Variants in ADGRL2 observed in about 807,000 individuals in gnomAD.
ADGRL2 encodes the protein calcium-independent alpha-latrotoxin receptor 2.
A neutral mutation model predicts 157.4 loss-of-function variants in ADGRL2; 44 were observed. That is an observed-to-expected ratio of 0.28 (90% CI 0.22 to 0.36). The LOEUF is 0.36. Among genes scored for constraint, ADGRL2 ranks in the 10% least tolerant of loss-of-function variants. The probability of loss-of-function intolerance (pLI) is 1.00; values close to 1 mark genes in which losing one functional copy is unlikely to be tolerated. For synonymous variants in ADGRL2, 585 were observed against 624.7 expected (o/e 0.94, Z 0.95); for missense variants, 1,510 against 1,768.9 (o/e 0.85, Z 2.63).
intron 3 of ADGRL2, among the ~76,000 whole-genome samples, chr1:81,616,679 C>CTTTTTTTTTTTTTTTTTTTTTTTTTTTT (rs1164087131): frequency 7.5e-5 from 8 of 105,966 alleles, no homozygotes; most frequent in East Asian, 5.6e-4. Context: ...CTTTTCTTTT[C>CTTTTTTTTTTTTTTTTTTTTTTTTTTTT]TTTTTTTTTT....
rs375608942 is a variant in ADGRL2 at position 81,898,752 on chromosome 1, C to T, written c.74-8265C>T. 2.6e-5 allele frequency among the ~76,000 whole-genome samples: 4 copies of T among 152,284 alleles called. No individual in the cohort carries two copies. In the South Asian group the frequency reaches 6.2e-4, roughly 24 times the overall value. ...GGTTTACTTTTAACACTATTTTCAT[C>T]TAAGTTAAGATGAAATTGAAATAAG... On this transcript the variant is annotated intron_variant, in intron 2 of 23. Coordinates refer to ENST00000686636, the MANE Select transcript of ADGRL2 (RefSeq NM_001366006.2).
chr1:81,927,008 G>A (rs1192860319), intron 3 of ADGRL2, among the ~76,000 whole-genome samples: 1 of 151,980 alleles, frequency 6.6e-6, no homozygotes, highest in Non-Finnish European at 1.5e-5. Flanking sequence ...AGTAATTAAT[G>A]TGGTATTTTT....
chr1:81,846,978 T>C (rs1160240992), intron 2 of ADGRL2, among the ~76,000 whole-genome samples: 1 of 132,436 alleles, frequency 7.6e-6, no homozygotes, highest in Non-Finnish European at 1.7e-5. Context: ...TTAAGGAAAG[T>C]GTTTTGTTGT....
chr1:81,384,746 C>A (rs762605362), intron 1 of ADGRL2, among the ~76,000 whole-genome samples: 1 of 152,078 alleles, frequency 6.6e-6, no homozygotes, highest in Non-Finnish European at 1.5e-5. Flanking sequence ...TAAGTAACAA[C>A]GTATCCACAA....
intron 2 of ADGRL2, among the ~76,000 whole-genome samples, chr1:81,547,169 A>G (rs753289632): frequency 6.6e-6 from 1 of 152,186 alleles, no homozygotes; most frequent in Non-Finnish European, 1.5e-5. Flanking sequence ...TTCACAGGAC[A>G]CTCAGAAAAG....
At chr1:81,965,801 T>A (rs188876963) in intron 11 of ADGRL2, among the ~76,000 whole-genome samples, 4 of 152,342 alleles carry the variant, frequency 2.6e-5, no homozygotes, top group African/African-American at 7.2e-5. Context: ...TGGTATTAGT[T>A]CATGACAAAA....
chr1:81,573,604 T>C (rs993960666), intron 2 of ADGRL2, among the ~76,000 whole-genome samples: 10 of 152,162 alleles, frequency 6.6e-5, no homozygotes, highest in African/African-American at 9.7e-5. Context: ...AAAGAAGCTG[T>C]CCCCTGTTGG....
intron 2 of ADGRL2, among the ~76,000 whole-genome samples, chr1:81,850,932 A>C: frequency 6.6e-6 from 1 of 151,912 alleles, no homozygotes; most frequent in Non-Finnish European, 1.5e-5. Flanking sequence ...TAGGCATTCA[A>C]AACTATTTTA....
rs753613533 is a variant in ADGRL2 at position 81,943,367 on chromosome 1, C to T, written c.808C>T (p.Leu270=). The T allele has an allele frequency of 6.2e-7, 1 of 1,613,672 alleles. No homozygotes were observed. Among genetic ancestry groups the T allele is most frequent in the Admixed American group, 1.7e-5 (1 of 59,930 alleles). The change falls in exon 6 of 24, where the codon CTA becomes TTA. Residue 270 remains leucine, a synonymous_variant. Transcript: ENST00000686636. The surrounding 1 kb of genome is among the most constrained non-coding windows in gnomAD (Gnocchi z 5.6). ...ATGGGGAGGAAAGACTGATATCGAC[C>T]TAGCAGTTGATGAAAATGGTTTATG... ...YRWGGKTDID[L]AVDENGLWVI...
intron 1 of ADGRL2, among the ~76,000 whole-genome samples, chr1:81,804,131 G>A (rs1337176410): frequency 6.6e-6 from 1 of 152,140 alleles, no homozygotes; most frequent in African/African-American, 2.4e-5. Flanking sequence ...AGGGTACTTT[G>A]TAACTTTAAA....
At chr1:81,900,345 T>C (rs1461777032) in intron 2 of ADGRL2, among the ~76,000 whole-genome samples, 8 of 152,180 alleles carry the variant, frequency 5.3e-5, no homozygotes, top group African/African-American at 1.9e-4. Flanking sequence ...CCTTCTAGCA[T>C]CGGGCTGCTC....
intron 3 of ADGRL2, among the ~76,000 whole-genome samples, chr1:81,618,802 A>T (rs1411978074): frequency 6.6e-6 from 1 of 152,104 alleles, no homozygotes; most frequent in Non-Finnish European, 1.5e-5. Flanking sequence ...TAATTATCTC[A>T]GTTAACTCTG....
chr1:81,984,825 A>C, intron 20 of ADGRL2, 114 bp downstream of exon 20: 1 of 1,187,142 alleles, frequency 8.4e-7, no homozygotes, highest in Non-Finnish European at 1.2e-6. Flanking sequence ...TAGATAGCAA[A>C]TACTTGCTTT....
At chr1:81,740,667 A>G (rs1354789082) in intron 1 of ADGRL2, among the ~76,000 whole-genome samples, 6 of 152,158 alleles carry the variant, frequency 3.9e-5, no homozygotes, top group African/African-American at 1.4e-4. Context: ...TGTGCTATAT[A>G]GACTTGCCAC....
chr1:81,929,093 A>G lies in ADGRL2; in HGVS notation c.288-7635A>G, dbSNP rs575459889. 2.0e-5 allele frequency among the ~76,000 whole-genome samples: 3 copies of G among 152,278 alleles called. No individual in the cohort carries two copies. In the South Asian group the frequency reaches 6.2e-4, roughly 32 times the overall value. ...AAACTTTAATTTTTTAGTTTCTGTC[A>G]TGATATACTGAGCTTTTCTGTTGAA... On this transcript the variant is annotated intron_variant, in intron 3 of 23. Transcript: ENST00000686636.
At chr1:81,557,021 CAA>C (rs150664851) in intron 2 of ADGRL2, 171 of 146,968 alleles carry the variant, frequency 1.2e-3, no homozygotes, top group Middle Eastern at 3.1e-3. Flanking sequence ...GACTCCGTCT[CAA>C]AAAAAAAAAA....
In ADGRL2 at chr1:81,722,452, C is replaced by G; in HGVS notation, c.-143+22644C>G. On this transcript the variant is annotated intron_variant, in intron 1 of 20. Transcript: ENST00000359929. ...ATTTGCGCTTGGCCGTTTTGTATGC[C>G]AAGAGGGCCAGCGTTTTCGTCAAAT... 5 of 1,390,154 alleles carry G rather than the reference C, an allele frequency of 3.6e-6. No individual in the cohort carries two copies. The South Asian group carries it at 4.6e-5, about 13-fold the overall frequency. 86.1% of individuals were successfully genotyped at this position (1,390,154 alleles called of 1,614,324 possible).
chr1:81,455,862 T>C (rs2077794782), intron 2 of ADGRL2, among the ~76,000 whole-genome samples: 1 of 152,188 alleles, frequency 6.6e-6, no homozygotes, highest in Admixed American at 6.5e-5. Flanking sequence ...AAGGATGAGG[T>C]CATAGTGAAA....
At chr1:81,550,111 G>A (rs2080110165) in intron 2 of ADGRL2, among the ~76,000 whole-genome samples, 1 of 152,092 alleles carries the variant, frequency 6.6e-6, no homozygotes, top group African/African-American at 2.4e-5. Flanking sequence ...TAAATTAAGG[G>A]GAAAATCCAA....
Sources: gnomAD v4.1 joint callset for allele counts (sites outside exome capture counted in the v4.1 genomes callset) on GRCh38, gnomAD v4.1.1 for gene constraint, Gnocchi (gnomAD v3.1) non-coding constraint, MANE v1.5 for transcripts, NCBI Gene and HGNC (gene_info 2026-07-23, HGNC 2026-07-21) for gene names.